The following GALNT13 variants were observed in gnomAD, a reference collection of about 807,000 sequenced individuals.
GALNT13 encodes polypeptide N-acetylgalactosaminyltransferase 13.
GALNT13 carries 28 observed loss-of-function variants against 64.2 expected under a neutral mutation model. That is an observed-to-expected ratio of 0.44 (90% CI 0.32 to 0.60). The LOEUF is 0.60. Ranked by LOEUF, GALNT13 falls within the 20% of genes least tolerant of loss-of-function variation. GALNT13 has a pLI of 0.05. For missense variants in GALNT13, 577 were observed against 669.8 expected (o/e 0.86, Z 1.53); for synonymous variants, 214 against 224.6 (o/e 0.95, Z 0.42).
intron 1 of GALNT13, among the ~76,000 whole-genome samples, chr2:153,876,772 G>C (rs1686410558): frequency 1.3e-5 from 2 of 152,040 alleles, no homozygotes; most frequent in African/African-American, 4.8e-5. Flanking sequence ...GCTGTTTTTA[G>C]TATGTCTTTA....
chr2:153,853,170 G>A, the GALNT13 span, among the ~76,000 whole-genome samples: 6 of 152,136 alleles, frequency 3.9e-5, no homozygotes, highest in Non-Finnish European at 8.8e-5. Context: ...AAAGACTCAG[G>A]CAGTCTAGTC....
the GALNT13 span, among the ~76,000 whole-genome samples, chr2:153,697,308 T>G: frequency 6.6e-6 from 1 of 152,204 alleles, no homozygotes; most frequent in Non-Finnish European, 1.5e-5. Flanking sequence ...TCTTTGGTTA[T>G]GAATTCTGCA....
the GALNT13 span, among the ~76,000 whole-genome samples, chr2:153,103,031 C>T: frequency 6.6e-6 from 1 of 152,052 alleles, no homozygotes; most frequent in Non-Finnish European, 1.5e-5. Flanking sequence ...AACTAGTCCC[C>T]CTGCCTTTAA....
chr2:153,967,898 T>C (rs915361627), intron 3 of GALNT13, among the ~76,000 whole-genome samples: 1 of 152,010 alleles, frequency 6.6e-6, no homozygotes, highest in African/African-American at 2.4e-5. Flanking sequence ...GGAGCAAAGG[T>C]CGGGAATTAG....
chr2:153,708,863 T>C, the GALNT13 span, among the ~76,000 whole-genome samples: 1 of 152,104 alleles, frequency 6.6e-6, no homozygotes, highest in Admixed American at 6.6e-5. Context: ...TCCATTGATT[T>C]TGACAAAGAT....
At chr2:154,271,608 C>A (rs1691357660) in intron 8 of GALNT13, among the ~76,000 whole-genome samples, 1 of 151,852 alleles carries the variant, frequency 6.6e-6, no homozygotes, top group Non-Finnish European at 1.5e-5. Flanking sequence ...TCTTTCATGA[C>A]CTCACAAAAT....
chr2:154,372,818 A>C (rs1200837571), intron 9 of GALNT13, among the ~76,000 whole-genome samples: 1 of 150,598 alleles, frequency 6.6e-6, no homozygotes, highest in Non-Finnish European at 1.5e-5. Context: ...ACATTGCTCT[A>C]TATTTGAAAA....
intron 3 of GALNT13, among the ~76,000 whole-genome samples, chr2:154,012,473 G>A (rs1314123422): frequency 6.6e-6 from 1 of 152,086 alleles, no homozygotes; most frequent in Non-Finnish European, 1.5e-5. Flanking sequence ...TAGGTGACCT[G>A]CCCCTTCTCT....
chr2:154,265,165 C>T (rs1255055740), intron 8 of GALNT13, among the ~76,000 whole-genome samples: 3 of 151,852 alleles, frequency 2.0e-5, no homozygotes, highest in Non-Finnish European at 2.9e-5. Flanking sequence ...GGAACATTAT[C>T]ATTCTCATTA....
At chr2:154,133,580 A>ATG (rs1558977228) in intron 3 of GALNT13, among the ~76,000 whole-genome samples, 3 of 123,556 alleles carry the variant, frequency 2.4e-5, no homozygotes, top group Non-Finnish European at 4.9e-5. Context: ...ATATATATAT[A>ATG]TATATCTGAG....
At chr2:153,481,791 A>AAGT in the GALNT13 span, among the ~76,000 whole-genome samples, 1 of 152,158 alleles carries the variant, frequency 6.6e-6, no homozygotes, top group African/African-American at 2.4e-5. Flanking sequence ...AATAGCCTTG[A>AAGT]AGTAGGACCA....
At chr2:153,814,465 G>GTAAGTAAGTAAGTAAGTAAA in the GALNT13 span, among the ~76,000 whole-genome samples, 30 of 149,010 alleles carry the variant, frequency 2.0e-4, no homozygotes, top group African/African-American at 7.2e-4. Flanking sequence ...AAGTAAGTAA[G>GTAAGTAAGTAAGTAAGTAAA]TAAATAAATA....
intron 10 of GALNT13, among the ~76,000 whole-genome samples, chr2:154,397,006 C>T (rs1324514696): frequency 6.6e-6 from 1 of 150,436 alleles, no homozygotes; most frequent in Non-Finnish European, 1.5e-5. Flanking sequence ...TAATATATTC[C>T]TATATAGCAT....
In GALNT13 at chr2:154,000,090, C is replaced by A. The variant is rs578036884; in HGVS notation, c.142+55451C>A. ...AGGTTGTATTTGTCCAGGAATTTAC[C>A]CATTTCTTCTAAATTTTCCAATTCG... On this transcript the variant is annotated intron_variant, in intron 3 of 12. Coordinates refer to ENST00000392825, the MANE Select transcript of GALNT13 (RefSeq NM_052917.4). Among the ~76,000 whole-genome samples the A allele has an allele frequency of 9.9e-5, 15 of 151,304 alleles. No homozygotes were observed. The South Asian group carries it at 2.9e-3, about 29-fold the overall frequency.
intron 3 of GALNT13, among the ~76,000 whole-genome samples, chr2:154,062,163 T>A (rs1307033696): frequency 6.6e-6 from 1 of 152,190 alleles, no homozygotes; most frequent in African/African-American, 2.4e-5. Flanking sequence ...ACTCTAATAG[T>A]TTTGCCAGAC....
At chr2:153,879,365 T>A (rs945804773) in intron 1 of GALNT13, among the ~76,000 whole-genome samples, 2 of 151,660 alleles carry the variant, frequency 1.3e-5, no homozygotes, top group Non-Finnish European at 1.5e-5. Context: ...TACGTGTGTG[T>A]GTGTGTGTGT....
the GALNT13 span, among the ~76,000 whole-genome samples, chr2:153,784,804 C>T: frequency 6.6e-6 from 1 of 152,190 alleles, no homozygotes; most frequent in Non-Finnish European, 1.5e-5. Context: ...CCATGGGTGA[C>T]TACATTACAG....
chr2:154,084,351 AC>A (rs1382834744), intron 3 of GALNT13, among the ~76,000 whole-genome samples: 1 of 151,886 alleles, frequency 6.6e-6, no homozygotes, highest in Non-Finnish European at 1.5e-5. Flanking sequence ...TACCAGTTTG[AC>A]TTGAATTATA....
chr2:154,407,462 A>G (rs1266432880), intron 10 of GALNT13, among the ~76,000 whole-genome samples: 1 of 152,116 alleles, frequency 6.6e-6, no homozygotes, highest in East Asian at 1.9e-4. Flanking sequence ...ACATCATACT[A>G]CAATTTATCA....
Sources: gnomAD v4.1 joint callset for allele counts (sites outside exome capture counted in the v4.1 genomes callset) on GRCh38, gnomAD v4.1.1 for gene constraint, MANE v1.5 for transcripts, NCBI Gene and HGNC (gene_info 2026-07-23, HGNC 2026-07-21) for gene names.